Variants in RNF126 observed in about 807,000 individuals in gnomAD.
The protein encoded by RNF126 is E3 ubiquitin-protein ligase RNF126.
RNF126 carries 20 observed loss-of-function variants against 41.9 expected under a neutral mutation model. The ratio of observed to expected loss-of-function variants is 0.48; its 90% confidence interval spans 0.34 to 0.69. The LOEUF is 0.69. RNF126 is among the 30% of genes least tolerant of loss of function. RNF126 has a pLI of 0.01. For missense variants in RNF126, 433 were observed against 460.6 expected (o/e 0.94, Z 0.55); for synonymous variants, 239 against 202.9 (o/e 1.18, Z -1.51).
intron 7 of RNF126, 110 bp from the exon 8 acceptor site, chr19:648,597 G>A: frequency 2.3e-6 from 2 of 884,382 alleles, no homozygotes; most frequent in East Asian, 2.7e-5. Context: ...CCCAGCGAGG[G>A]GAGAAAAGCC....
rs2030684089 is a variant in RNF126 at position 659,044 on chromosome 19, A to G, written c.75+4003T>C. ...GTGCCCGATCACAACGCCAGGCTCC[A>G]TGTTCACAGGGTGCTGCAGGGAGCC... On this transcript the variant is annotated intron_variant, in intron 1 of 8. Transcript: ENST00000292363. The surrounding 1 kb of genome is among the most constrained non-coding windows in gnomAD (Gnocchi z 4.9). Among the ~76,000 whole-genome samples, 1 of 152,170 alleles carries G rather than the reference A, an allele frequency of 6.6e-6. No individual in the cohort carries two copies. Among genetic ancestry groups the G allele is most frequent in the Non-Finnish European group, 1.5e-5 (1 of 68,022 alleles).
At chr19:657,174 T>TCC in intron 1 of RNF126, among the ~76,000 whole-genome samples, 1 of 152,282 alleles carries the variant, frequency 6.6e-6, no homozygotes, top group East Asian at 1.9e-4. Flanking sequence ...AGAAGCTGTC[T>TCC]CCCTCTGAGG....
chr19:651,155 C>T (rs750991980), intron 4 of RNF126, among the ~76,000 whole-genome samples: 37 of 150,556 alleles, frequency 2.5e-4, no homozygotes, highest in Non-Finnish European at 4.4e-4. Flanking sequence ...CAGGGCCCAG[C>T]GACGGCTCCC....
chr19:657,992 T>C (rs938366980), intron 1 of RNF126, among the ~76,000 whole-genome samples: 1 of 152,002 alleles, frequency 6.6e-6, no homozygotes, highest in African/African-American at 2.4e-5. Flanking sequence ...GTGAAGGAGC[T>C]GCCCCACCTT....
chr19:661,563 G>A (rs976962038), intron 1 of RNF126, among the ~76,000 whole-genome samples: 6 of 152,212 alleles, frequency 3.9e-5, no homozygotes, highest in East Asian at 1.9e-4. Flanking sequence ...CAGTAGAGAG[G>A]AAACCACACC....
At chr19:650,464 C>A in intron 4 of RNF126, 168 bp from the exon 5 acceptor site, 1 of 589,404 alleles carries the variant, frequency 1.7e-6, no homozygotes, top group Non-Finnish European at 2.9e-6. Flanking sequence ...AATGCCGAGG[C>A]AGGAGAGAAG....
intron 1 of RNF126, among the ~76,000 whole-genome samples, chr19:661,706 C>CG (rs888325387): frequency 1.3e-5 from 2 of 152,204 alleles, no homozygotes; most frequent in African/African-American, 4.8e-5. Context: ...TCTCTACTCC[C>CG]GGGGAACTGC....
rs1030992822 is a variant in RNF126, at chr19:648,066, G to A, written c.*62C>T. 14 of 1,478,940 alleles carry A rather than the reference G, an allele frequency of 9.5e-6. No homozygotes were observed. Among genetic ancestry groups the A allele is most frequent in the East Asian group, 2.4e-5 (1 of 41,028 alleles). 91.6% of individuals were successfully genotyped at this position (1,478,940 alleles called of 1,614,324 possible). ...CCGGGGCACCCAGTCTGTGGGTGCCGTGTGGCGCTGGCTGAGGGTGGGTGG... is the reference window on the plus strand; with the variant it reads ...CCGGGGCACCCAGTCTGTGGGTGCCATGTGGCGCTGGCTGAGGGTGGGTGG... On this transcript the variant is annotated 3_prime_UTR_variant, in exon 9 of 9. Transcript: ENST00000292363.
intron 4 of RNF126, chr19:651,398 C>CT (rs1330070573): frequency 2.3e-6 from 1 of 435,670 alleles, no homozygotes. Flanking sequence ...GTGCCCCACT[C>CT]TGTGGTCAAC....
chr19:661,875 C>G (rs2030818701), intron 1 of RNF126, among the ~76,000 whole-genome samples: 1 of 152,186 alleles, frequency 6.6e-6, no homozygotes, highest in South Asian at 2.1e-4. Flanking sequence ...CTGCTCCCCT[C>G]AAGCTGGCCA....
chr19:652,489 A>G, intron 2 of RNF126, 193 bp from the exon 3 acceptor site: 1 of 607,178 alleles, frequency 1.6e-6, no homozygotes, highest in Non-Finnish European at 2.9e-6. Flanking sequence ...GTTTCTCGAT[A>G]AACCGGTGCA....
Position 655,225 on chromosome 19 carries a change from G to A in RNF126, c.76-2341C>T, listed in dbSNP as rs141041527. Among the ~76,000 whole-genome samples the A allele has an allele frequency of 5.5e-3, 836 of 152,024 alleles. 5 individuals carry two copies. The highest frequency in any genetic ancestry group is 9.0e-3 in the Admixed American group (138 of 15,264). On this transcript the variant is annotated intron_variant, in intron 1 of 8. Transcript: ENST00000292363. ...GGAGGGGGAGGAGACAGGCAGGAGC[G>A]GGAGGCAGGAGGCAGAATGGCTTGA...
At chr19:654,471 T>C (rs1402658144) in intron 1 of RNF126, among the ~76,000 whole-genome samples, 10 of 136,786 alleles carry the variant, frequency 7.3e-5, no homozygotes, top group East Asian at 6.8e-4. Flanking sequence ...GGTGAAACTC[T>C]GTCTCTACTA....
intron 4 of RNF126, 123 bp downstream of exon 4, chr19:651,488 C>G: frequency 4.0e-6 from 4 of 1,011,200 alleles, no homozygotes; most frequent in Non-Finnish European, 1.3e-6. Flanking sequence ...CCTGGCCGGG[C>G]GGCCTCTCCA....
chr19:648,364 G>GGGGC lies in RNF126; in HGVS notation c.786+7_786+8insGCCC. On this transcript the variant is annotated splice_region_variant and intron_variant, in intron 8 of 8. Transcript: ENST00000292363. ...CGGGGTGGGGGGGCGGGTGGGCGGG[G>GGGGC]CACTCACCTGCTCCAGCCAGGGCAC... is the stretch of plus-strand genomic sequence containing the variant. The GGGGC allele has an allele frequency of 3.9e-6, 2 of 510,492 alleles. No individual in the cohort carries two copies. Among genetic ancestry groups the GGGGC allele is most frequent in the Non-Finnish European group, 7.2e-6 (2 of 278,358 alleles). The allele number at this position is 510,492 out of a possible 1,614,324, so 31.6% of individuals were successfully genotyped here.
At chr19:660,861 A>G (rs1456812292) in intron 1 of RNF126, among the ~76,000 whole-genome samples, 1 of 152,226 alleles carries the variant, frequency 6.6e-6, no homozygotes, top group Non-Finnish European at 1.5e-5. Context: ...TGACACTGCC[A>G]TGCTGTCTAC....
rs2030141154 is a variant in RNF126 at position 649,224 on chromosome 19, G to GC, written c.577-250_577-249insG. 1.2e-5 allele frequency: 3 copies of GC among 257,568 alleles called. 1 individual carries two copies. The highest frequency in any genetic ancestry group is 1.9e-4 in the East Asian group (2 of 10,266). 16.0% of individuals were successfully genotyped at this position (257,568 alleles called of 1,614,324 possible). ...CCTGGGTCCCTGACAGCGGAATGGG[G>GC]GGGGGGGCCGCGCTCCTGAGTGCCC... On this transcript the variant is annotated intron_variant, in intron 6 of 8. Transcript: ENST00000292363.
intron 1 of RNF126, among the ~76,000 whole-genome samples, chr19:660,185 G>A (rs1407773946): frequency 6.6e-6 from 1 of 152,262 alleles, no homozygotes; most frequent in Non-Finnish European, 1.5e-5. Flanking sequence ...GCGGCCAGGT[G>A]CCGGCCACTC....
rs1266320926 is a variant in RNF126 at position 652,301 on chromosome 19, G to T, written c.135-5C>A. The T allele has an allele frequency of 6.4e-7, 1 of 1,558,438 alleles. No homozygotes were observed. Among genetic ancestry groups the T allele is most frequent in the Non-Finnish European group, 8.6e-7 (1 of 1,157,650 alleles). On this transcript the variant is annotated splice_polypyrimidine_tract_variant and splice_region_variant and intron_variant, in intron 2 of 8. Coordinates refer to ENST00000292363, the MANE Select transcript of RNF126 (RefSeq NM_194460.3). ...GCAGAACCATTTTCTGTGCTCCTGG[G>T]GAGAGAGTGCAGGTCAGCAGTGCCG...
Sources: allele counts gnomAD v4.1 joint callset (sites outside exome capture counted in the v4.1 genomes callset), GRCh38; gene constraint gnomAD v4.1.1; non-coding constraint Gnocchi (gnomAD v3.1); transcripts MANE v1.5; gene names NCBI Gene and HGNC (gene_info 2026-07-23, HGNC 2026-07-21).